Variants in CSMD1 observed in about 807,000 individuals in gnomAD.
CSMD1 encodes the protein CUB and sushi domain-containing protein 1.
CSMD1 carries 213 observed loss-of-function variants against 417.5 expected under a neutral mutation model. That is an observed-to-expected ratio of 0.51 (90% confidence interval 0.46 to 0.57). The LOEUF (loss-of-function observed/expected upper bound fraction) is 0.57. Ranked by LOEUF, CSMD1 falls within the 20% of genes least tolerant of loss-of-function variation. The pLI is 0.00. For synonymous variants in CSMD1, 2,862 were observed against 1,736.8 expected (o/e 1.65, Z -16.11); for missense variants, 6,923 against 4,529.7 (o/e 1.53, Z -15.17).
chr8:4,462,757 G>C lies in CSMD1; in HGVS notation c.303-42692C>G, dbSNP rs1485579152. On this transcript the variant is annotated intron_variant, in intron 2 of 69. Coordinates refer to ENST00000635120, the MANE Select transcript of CSMD1 (RefSeq NM_033225.6). Reference sequence around the variant, plus strand: ...GAAAAAAATAGTTTTTCAATAAATGGTGCTCAGACAACTGAGTATCCACAA... The same window carrying C: ...GAAAAAAATAGTTTTTCAATAAATGCTGCTCAGACAACTGAGTATCCACAA... Among the ~76,000 whole-genome samples the C allele has an allele frequency of 3.3e-5, 5 of 152,130 alleles. No individual in the cohort carries two copies. The South Asian group carries it at 8.3e-4, about 25-fold the overall frequency.
intron 11 of CSMD1, among the ~76,000 whole-genome samples, chr8:3,470,427 C>G (rs1048654942): frequency 4.6e-5 from 7 of 152,102 alleles, no homozygotes; most frequent in Middle Eastern, 3.2e-3. Context: ...TATTATTTAC[C>G]TAGTTTCCCC....
Position 3,091,645 on chromosome 8 carries a change from G to T in CSMD1, c.7156C>A (p.Pro2386Thr), listed in dbSNP as rs1279010063. Residue 2386 changes from proline (P) to threonine (T), a missense_variant, in exon 48 of 70, where the codon CCT (proline) becomes ACT (threonine). Pro to Thr is a conservative substitution (Grantham distance 38, BLOSUM62 -1). Transcript: ENST00000635120. Reference protein sequence around the residue: ...EVFDGSSGQSPLLVVLSGNHT... With the variant: ...EVFDGSSGQSTLLVVLSGNHT... ...TTCCCACTTAAGACTACTAGCAGAGGACTTTGCCCAGAAGAACCTAAGTGA... is the reference window on the plus strand; with the variant it reads ...TTCCCACTTAAGACTACTAGCAGAGTACTTTGCCCAGAAGAACCTAAGTGA... 2.5e-6 allele frequency: 4 copies of T among 1,609,452 alleles called. No individual in the cohort carries two copies. The highest frequency in any genetic ancestry group is 1.7e-4 in the Middle Eastern group (1 of 6,050).
intron 41 of CSMD1, chr8:3,127,698 A>C (rs932765926): frequency 1.3e-5 from 2 of 152,226 alleles, no homozygotes; most frequent in Non-Finnish European, 2.9e-5. Flanking sequence ...TTGAAAATAA[A>C]AGACATTTTT....
intron 3 of CSMD1, among the ~76,000 whole-genome samples, chr8:4,195,534 A>C (rs559481850): frequency 1.3e-5 from 2 of 152,274 alleles, no homozygotes; most frequent in African/African-American, 2.4e-5. Flanking sequence ...TGACTGTGAG[A>C]AAGACTTGTG....
chr8:4,807,198 C>T (rs1301581472), intron 1 of CSMD1, among the ~76,000 whole-genome samples: 2 of 152,140 alleles, frequency 1.3e-5, no homozygotes, highest in Non-Finnish European at 1.5e-5. Context: ...ACTTTTCATT[C>T]CCATCTGCCT....
At chr8:4,262,516 G>T (rs1258195455) in intron 3 of CSMD1, among the ~76,000 whole-genome samples, 1 of 152,180 alleles carries the variant, frequency 6.6e-6, no homozygotes, top group Non-Finnish European at 1.5e-5. Flanking sequence ...TGATTTTTAA[G>T]TTTGAACTCA....
chr8:4,300,509 A>C (rs1046711658), intron 3 of CSMD1, among the ~76,000 whole-genome samples: 10 of 152,304 alleles, frequency 6.6e-5, no homozygotes, highest in African/African-American at 2.4e-4. Context: ...TAACTGAAGG[A>C]AATGTCCTTT....
At chr8:3,989,981 T>C (rs1300920111) in intron 5 of CSMD1, among the ~76,000 whole-genome samples, 5 of 152,188 alleles carry the variant, frequency 3.3e-5, no homozygotes, top group East Asian at 1.9e-4. Context: ...GATATCAAAA[T>C]GTACAATTGG....
chr8:2,948,579 G>A (rs928894202), intron 68 of CSMD1, among the ~76,000 whole-genome samples: 1 of 151,946 alleles, frequency 6.6e-6, no homozygotes, highest in Admixed American at 6.6e-5. Context: ...TGTTTCATAG[G>A]TAGTATAATT....
chr8:3,504,677 A>C (rs1025774428), intron 10 of CSMD1, among the ~76,000 whole-genome samples: 1 of 152,178 alleles, frequency 6.6e-6, no homozygotes, highest in Non-Finnish European at 1.5e-5. Context: ...ATGACCTCTT[A>C]TCTTTTGAAT....
intron 4 of CSMD1, among the ~76,000 whole-genome samples, chr8:4,013,132 C>T (rs1304713055): frequency 6.6e-6 from 1 of 152,140 alleles, no homozygotes; most frequent in South Asian, 2.1e-4. Context: ...TCGTATCCCC[C>T]CATTGTGCTC....
At chr8:3,936,466 GT>G (rs939602711) in intron 5 of CSMD1, among the ~76,000 whole-genome samples, 3 of 152,160 alleles carry the variant, frequency 2.0e-5, no homozygotes, top group African/African-American at 7.2e-5. Context: ...AGGATTTTAA[GT>G]TGAAGCCAGT....
chr8:3,176,366 A>G (rs1219287938), intron 37 of CSMD1, among the ~76,000 whole-genome samples: 2 of 152,180 alleles, frequency 1.3e-5, no homozygotes, highest in African/African-American at 2.4e-5. Context: ...TTATGATGAA[A>G]TCCATCACTA....
At chr8:3,074,985 C>T (rs928109671) in intron 49 of CSMD1, among the ~76,000 whole-genome samples, 10 of 152,266 alleles carry the variant, frequency 6.6e-5, no homozygotes, top group Admixed American at 2.0e-4. Flanking sequence ...TCATGAATGG[C>T]TTAGCACCTT....
chr8:3,085,933 C>A (rs990542605), intron 49 of CSMD1, among the ~76,000 whole-genome samples: 2 of 152,160 alleles, frequency 1.3e-5, no homozygotes, highest in African/African-American at 4.8e-5. Flanking sequence ...TATTTTGACT[C>A]CACCTCTAGA....
At chr8:3,761,552 C>A (rs1798002720) in intron 5 of CSMD1, among the ~76,000 whole-genome samples, 1 of 128,436 alleles carries the variant, frequency 7.8e-6, no homozygotes, top group Non-Finnish European at 1.6e-5. Context: ...TTCACCCAGG[C>A]TGGAGTGAAA....
At chr8:3,309,675 C>A (rs1805176210) in intron 23 of CSMD1, among the ~76,000 whole-genome samples, 1 of 152,128 alleles carries the variant, frequency 6.6e-6, no homozygotes, top group African/African-American at 2.4e-5. Flanking sequence ...CCTTCTATTT[C>A]CACCAAACTT....
At chr8:4,330,301 T>C (rs996918478) in intron 3 of CSMD1, among the ~76,000 whole-genome samples, 5 of 152,004 alleles carry the variant, frequency 3.3e-5, no homozygotes, top group African/African-American at 9.7e-5. Context: ...ATATTGTCAA[T>C]TTAATATTTT....
rs144541835 is a variant in CSMD1 at position 3,227,946 on chromosome 8, T to G, written c.4345+2094A>C. Among the ~76,000 whole-genome samples the G allele has an allele frequency of 2.8e-4, 43 of 151,718 alleles. No individual in the cohort carries two copies. In the East Asian group the frequency reaches 7.6e-3, roughly 27 times the overall value. On this transcript the variant is annotated intron_variant, in intron 27 of 69. Coordinates refer to ENST00000635120, the MANE Select transcript of CSMD1 (RefSeq NM_033225.6). ...CCACCCCTGGCCAATGTTTGTATTTTTAGTAGAGATAGGGTTTCACCATGT... is the reference window on the plus strand; with the variant it reads ...CCACCCCTGGCCAATGTTTGTATTTGTAGTAGAGATAGGGTTTCACCATGT...
Sources: gnomAD v4.1 joint callset for allele counts (sites outside exome capture counted in the v4.1 genomes callset) on GRCh38, gnomAD v4.1.1 for gene constraint, MANE v1.5 for transcripts, NCBI Gene and HGNC (gene_info 2026-07-23, HGNC 2026-07-21) for gene names.